TYW1B: variants seen among roughly 807,000 people sequenced by gnomAD.
TYW1B encodes tRNA-yW synthesizing protein 1 homolog B, also known as S-adenosyl-L-methionine-dependent tRNA 4-demethylwyosine synthase TYW1B.
TYW1B carries 73 observed loss-of-function variants against 86.9 expected under a neutral mutation model. The ratio of observed to expected loss-of-function variants is 0.84; its 90% CI spans 0.70 to 1.02. The LOEUF is 1.02. Among genes scored for constraint, TYW1B ranks in the 50% least tolerant of loss-of-function variants. TYW1B has a pLI of 0.00. For synonymous variants in TYW1B, 248 were observed against 292.8 expected (o/e 0.85, Z 1.56); for missense variants, 637 against 827.4 (o/e 0.77, Z 2.82).
intron 12 of TYW1B, among the ~76,000 whole-genome samples, chr7:72,623,496 C>T (rs1221150830): frequency 1.3e-5 from 2 of 152,074 alleles, no homozygotes; most frequent in African/African-American, 2.4e-5. Flanking sequence ...TTACTGTGTC[C>T]GTGGGTAAGT....
At chr7:72,697,319 AG>A in intron 10 of TYW1B, among the ~76,000 whole-genome samples, 1 of 152,248 alleles carries the variant, frequency 6.6e-6, no homozygotes. Flanking sequence ...GCTACACCCA[AG>A]GAAGTCCAAT....
At position 72,735,360 on chromosome 7, in the gene TYW1B, A is replaced by C. The variant is rs1329415280; in HGVS notation, c.1083-6429T>G. Among the ~76,000 whole-genome samples, 12 of 152,224 alleles carry C rather than the reference A, an allele frequency of 7.9e-5. 1 individual carries two copies. Among genetic ancestry groups the C allele is most frequent in the Admixed American group, 1.3e-4 (2 of 15,266 alleles). ...TGAGGCCAGTGGATCACTTGAGGTC[A>C]GGAGTTTGAAGCCAGCCTGGCCAAC... On this transcript the variant is annotated intron_variant, in intron 8 of 13. Transcript: ENST00000620995.
At chr7:72,750,291 G>A (rs2129571471) in intron 7 of TYW1B, among the ~76,000 whole-genome samples, 1 of 152,164 alleles carries the variant, frequency 6.6e-6, no homozygotes, top group East Asian at 1.9e-4. Context: ...ATCTGATAAT[G>A]CCATTATTCA....
At chr7:72,635,894 T>C (rs1554440684) in intron 11 of TYW1B, among the ~76,000 whole-genome samples, 1 of 152,246 alleles carries the variant, frequency 6.6e-6, no homozygotes, top group Non-Finnish European at 1.5e-5. Context: ...TTGAATTCCA[T>C]CTCTTCTTGG....
intron 11 of TYW1B, among the ~76,000 whole-genome samples, chr7:72,666,856 C>T (rs545427929): frequency 3.3e-5 from 5 of 151,422 alleles, no homozygotes; most frequent in Non-Finnish European, 7.4e-5. Context: ...ACAGTGAAAC[C>T]CCATCTCTAC....
At chr7:72,632,403 ATATATATACATATATATATAAAATAT>A (rs1563038790) in intron 11 of TYW1B, among the ~76,000 whole-genome samples, 20 of 106,344 alleles carry the variant, frequency 1.9e-4, no homozygotes, top group South Asian at 2.4e-4. Flanking sequence ...TATATATAAT[ATATATATACATATATATATAAAATAT>A]ATATATACGT....
chr7:72,749,542 C>T (rs1787459666), intron 7 of TYW1B, among the ~76,000 whole-genome samples: 1 of 152,226 alleles, frequency 6.6e-6, no homozygotes, highest in South Asian at 2.1e-4. Flanking sequence ...TCTGCCCACC[C>T]CGGCCTCCCA....
At chr7:72,824,562 G>A (rs1326712447) in intron 2 of TYW1B, among the ~76,000 whole-genome samples, 1 of 152,006 alleles carries the variant, frequency 6.6e-6, no homozygotes, top group Non-Finnish European at 1.5e-5. Context: ...CCAATATGGT[G>A]AAACCTCGTC....
chr7:72,807,423 C>T, intron 4 of TYW1B, 67 bp from the exon 5 acceptor site: 1 of 1,545,464 alleles, frequency 6.5e-7, no homozygotes, highest in Non-Finnish European at 8.7e-7. Flanking sequence ...GACTGCTCTG[C>T]AAAAGCCCAA....
chr7:72,636,075 T>C (rs535434495), intron 11 of TYW1B, among the ~76,000 whole-genome samples: 115 of 152,342 alleles, frequency 7.5e-4, no homozygotes, highest in African/African-American at 2.8e-3. Context: ...TCTGCCAAAA[T>C]AATTACCTTT....
Position 72,817,103 on chromosome 7 carries a change from T to C in TYW1B, c.136-1622A>G, listed in dbSNP as rs150468536. The stretch of plus-strand genomic sequence containing the variant: ...TCCCAATAGTAAGCATGAGAACTGG[T>C]ATAGAAAAAGGACAGGTTGGCCGGG... On this transcript the variant is annotated intron_variant, in intron 2 of 13. Coordinates refer to ENST00000620995, the MANE Select transcript of TYW1B (RefSeq NM_001145440.3). Among the ~76,000 whole-genome samples, 99 of 151,966 alleles carry C rather than the reference T, an allele frequency of 6.5e-4. No individual in the cohort carries two copies. The East Asian group carries it at 0.019, about 29-fold the overall frequency.
chr7:72,712,058 T>C (rs1347846216), intron 10 of TYW1B, among the ~76,000 whole-genome samples: 1 of 151,964 alleles, frequency 6.6e-6, no homozygotes, highest in Admixed American at 6.6e-5. Context: ...AGTCCCAGTA[T>C]GACACAAAAA....
Position 72,813,215 on chromosome 7 carries a change from G to A in TYW1B, c.237+2165C>T, listed in dbSNP as rs550931851. Reference sequence around the variant, plus strand: ...TTTGAGACAGAGATTTGCTTTTGTCGCCCAGGCTAGAGGGCAATGGCGCAA... The same window carrying A: ...TTTGAGACAGAGATTTGCTTTTGTCACCCAGGCTAGAGGGCAATGGCGCAA... On this transcript the variant is annotated intron_variant, in intron 3 of 13. Transcript: ENST00000620995. Among the ~76,000 whole-genome samples the A allele has an allele frequency of 5.5e-5, 7 of 127,862 alleles. No homozygotes were observed. The East Asian group carries it at 6.6e-4, about 12-fold the overall frequency. 83.9% of individuals were successfully genotyped at this position (127,862 alleles called of 152,430 possible). A position where few individuals can be genotyped will look rare whatever the true frequency, so the allele number is the denominator to read the frequency against.
chr7:72,763,386 G>A (rs1240620687), intron 7 of TYW1B, among the ~76,000 whole-genome samples: 1 of 148,842 alleles, frequency 6.7e-6, no homozygotes, highest in South Asian at 2.2e-4. Flanking sequence ...GGGTTCAAGC[G>A]ATTCTCCTGC....
At chr7:72,642,107 C>T (rs1188301670) in intron 11 of TYW1B, among the ~76,000 whole-genome samples, 1 of 152,150 alleles carries the variant, frequency 6.6e-6, no homozygotes, top group Non-Finnish European at 1.5e-5. Context: ...GACAAGGGTA[C>T]AAAGACAATT....
chr7:72,709,099 A>T (rs1814681669), intron 10 of TYW1B, among the ~76,000 whole-genome samples: 1 of 152,190 alleles, frequency 6.6e-6, no homozygotes, highest in African/African-American at 2.4e-5. Context: ...TCCTCAACCC[A>T]TGTCTACCAG....
At chr7:72,631,145 C>T in intron 11 of TYW1B, among the ~76,000 whole-genome samples, 1 of 151,652 alleles carries the variant, frequency 6.6e-6, no homozygotes. Context: ...GTTAATTAAA[C>T]ACATCCTTAA....
intron 13 of TYW1B, among the ~76,000 whole-genome samples, chr7:72,589,225 T>A (rs1463961324): frequency 2.6e-5 from 4 of 152,250 alleles, no homozygotes; most frequent in African/African-American, 7.2e-5. Context: ...TGTGTAGTGC[T>A]TACCACGGTA....
chr7:72,649,528 C>T (rs13221068), intron 11 of TYW1B, among the ~76,000 whole-genome samples: 10 of 152,302 alleles, frequency 6.6e-5, no homozygotes, highest in African/African-American at 1.4e-4. Flanking sequence ...TCCGAGGATA[C>T]TGACAAAAGT....
Sources: allele counts gnomAD v4.1 joint callset (sites outside exome capture counted in the v4.1 genomes callset), GRCh38; gene constraint gnomAD v4.1.1; transcripts MANE v1.5; gene names NCBI Gene and HGNC (gene_info 2026-07-23, HGNC 2026-07-21).